Variants in COPG2 observed in about 807,000 individuals in gnomAD.
COPG2 encodes coatomer subunit gamma-2.
In COPG2, 37 loss-of-function variants were observed where a neutral mutation model predicts 46.3. That is an observed-to-expected ratio of 0.80 (90% CI 0.61 to 1.05). The LOEUF is 1.05. Ranked by LOEUF, COPG2 falls within the 50% of genes least tolerant of loss-of-function variation. The pLI, the probability that COPG2 is intolerant of heterozygous loss-of-function variation, is 0.00. For synonymous variants in COPG2, 159 were observed against 129.7 expected (o/e 1.23, Z -1.53); for missense variants, 427 against 387.8 (o/e 1.10, Z -0.85).
At chr7:130,517,689 T>C (rs980991677) in intron 20 of COPG2, among the ~76,000 whole-genome samples, 1 of 152,242 alleles carries the variant, frequency 6.6e-6, no homozygotes, top group Non-Finnish European at 1.5e-5. Flanking sequence ...AGTATAATGC[T>C]ATATCCACTG....
At chr7:130,591,522 G>A (rs1406109854) in intron 9 of COPG2, among the ~76,000 whole-genome samples, 2 of 107,902 alleles carry the variant, frequency 1.9e-5, no homozygotes, top group African/African-American at 7.2e-5. Context: ...GGGAGGTGAG[G>A]GGTGCCTCTG....
intron 4 of COPG2, among the ~76,000 whole-genome samples, chr7:130,662,228 G>T (rs1318821427): frequency 1.3e-5 from 2 of 152,122 alleles, no homozygotes; most frequent in African/African-American, 4.8e-5. Context: ...TCTTCCTGAA[G>T]ATCTACTCCT....
chr7:130,613,584 T>C lies in COPG2; in HGVS notation c.452A>G (p.Lys151Arg). ...ERYMKQAIVD[K>R]VSSVSSSALV... Reference sequence around the variant, plus strand: ...TGCTGAACTGGATACACTGGAAACTTTATCCACAATGGCCTGCTTCATGTA... The same window carrying C: ...TGCTGAACTGGATACACTGGAAACTCTATCCACAATGGCCTGCTTCATGTA... The change falls in exon 7 of 24, where the codon AAA (lysine) becomes AGA (arginine). Residue 151 changes from lysine (K) to arginine (R), a missense_variant. Transcript: ENST00000425248. 6.2e-7 allele frequency: 1 copy of C among 1,602,226 alleles called. No homozygotes were observed.
chr7:130,543,432 T>C (rs1450288843), intron 20 of COPG2, among the ~76,000 whole-genome samples: 1 of 152,208 alleles, frequency 6.6e-6, no homozygotes, highest in Non-Finnish European at 1.5e-5. Context: ...TTAAAGCTCC[T>C]TGAGGGAAAC....
chr7:130,576,443 A>T (rs1189695269), intron 9 of COPG2, among the ~76,000 whole-genome samples: 1 of 152,240 alleles, frequency 6.6e-6, no homozygotes, highest in Non-Finnish European at 1.5e-5. Context: ...ATACATGGAA[A>T]TTAAATAACC....
At chr7:130,658,429 G>A (rs1205649342) in intron 4 of COPG2, among the ~76,000 whole-genome samples, 1 of 152,082 alleles carries the variant, frequency 6.6e-6, no homozygotes, top group African/African-American at 2.4e-5. Flanking sequence ...AACTTTTTGA[G>A]GAGATGGAAA....
At chr7:130,524,213 T>TGTACTGCA (rs1799753257) in intron 20 of COPG2, among the ~76,000 whole-genome samples, 1 of 151,946 alleles carries the variant, frequency 6.6e-6, no homozygotes, top group Non-Finnish European at 1.5e-5. Flanking sequence ...AGCAGGTGGA[T>TGTACTGCA]TCAGTGCAGT....
At chr7:130,617,105 A>G (rs1554453029) in intron 5 of COPG2, 40 bp from the exon 6 acceptor site, 14 of 1,358,734 alleles carry the variant, frequency 1.0e-5, no homozygotes. Flanking sequence ...ATCAATTAAA[A>G]TCTCTCCCAT....
intron 9 of COPG2, among the ~76,000 whole-genome samples, chr7:130,587,914 C>T (rs1794306911): frequency 6.6e-6 from 1 of 151,948 alleles, no homozygotes; most frequent in Admixed American, 6.6e-5. Context: ...GGCTAATATC[C>T]AGAATCTACA....
chr7:130,532,179 G>T (rs1042724090), intron 20 of COPG2, among the ~76,000 whole-genome samples: 1 of 152,206 alleles, frequency 6.6e-6, no homozygotes, highest in African/African-American at 2.4e-5. Flanking sequence ...GTTCCCGACA[G>T]ACCAGGACAA....
chr7:130,652,824 G>T, intron 5 of COPG2, 45 bp downstream of exon 5: 1 of 1,223,638 alleles, frequency 8.2e-7, no homozygotes, highest in South Asian at 1.3e-5. Context: ...AAAGCAAACA[G>T]CAAATATATA....
chr7:130,576,644 A>C (rs1794003748), intron 9 of COPG2, among the ~76,000 whole-genome samples: 1 of 152,220 alleles, frequency 6.6e-6, no homozygotes, highest in African/African-American at 2.4e-5. Context: ...GCCTACATCA[A>C]AAAGACTGAA....
At chr7:130,647,001 ATATATATATGTATATATATATATG>A (rs1795620821) in intron 5 of COPG2, among the ~76,000 whole-genome samples, 1 of 119,328 alleles carries the variant, frequency 8.4e-6, no homozygotes, top group African/African-American at 4.2e-5. Flanking sequence ...ATATATGTGT[ATATATATATGTATATATATATATG>A]TGTATATATA....
intron 4 of COPG2, among the ~76,000 whole-genome samples, chr7:130,661,739 A>G (rs1554460812): frequency 1.3e-5 from 2 of 152,216 alleles, no homozygotes; most frequent in Admixed American, 6.5e-5. Flanking sequence ...TTTAGTAAAA[A>G]TAAGTTGTAT....
intron 9 of COPG2, among the ~76,000 whole-genome samples, chr7:130,569,438 C>T (rs1793857311): frequency 6.6e-6 from 1 of 151,964 alleles, no homozygotes; most frequent in African/African-American, 2.4e-5. Context: ...CCTTTATACA[C>T]ACAAACCAGA....
At chr7:130,667,590 T>A (rs1382435580) in intron 1 of COPG2, 56 bp from the exon 2 acceptor site, 1 of 1,413,194 alleles carries the variant, frequency 7.1e-7, no homozygotes, top group Non-Finnish European at 1.0e-6. Flanking sequence ...CACAAACTTA[T>A]ATACTTTCCA....
intron 4 of COPG2, among the ~76,000 whole-genome samples, chr7:130,662,635 T>A (rs937041868): frequency 6.6e-6 from 1 of 152,200 alleles, no homozygotes; most frequent in Middle Eastern, 3.2e-3. Flanking sequence ...CTAACAGCAA[T>A]CCCAGGCCCA....
chr7:130,654,756 G>A (rs1398580814), intron 4 of COPG2, among the ~76,000 whole-genome samples: 1 of 151,978 alleles, frequency 6.6e-6, no homozygotes, highest in African/African-American at 2.4e-5. Flanking sequence ...CTGATGCTCT[G>A]TTTATTTCTA....
intron 9 of COPG2, among the ~76,000 whole-genome samples, chr7:130,604,156 G>A (rs1794686996): frequency 2.0e-5 from 3 of 152,122 alleles, no homozygotes; most frequent in Admixed American, 2.0e-4. Flanking sequence ...CCATGTGTAA[G>A]TGGACCCATG....
Sources: gnomAD v4.1 joint callset for allele counts (sites outside exome capture counted in the v4.1 genomes callset) on GRCh38, gnomAD v4.1.1 for gene constraint, MANE v1.5 for transcripts, NCBI Gene and HGNC (gene_info 2026-07-23, HGNC 2026-07-21) for gene names.